The following ZFHX3 variants were observed in gnomAD, a reference collection of about 807,000 sequenced individuals.
ZFHX3 encodes zinc finger homeobox protein 3.
A neutral mutation model predicts 279.1 loss-of-function variants in ZFHX3; 42 were observed. The observed-to-expected ratio is 0.15, with a 90% CI of 0.12 to 0.19. The LOEUF is 0.19. ZFHX3 is among the 10% of genes least tolerant of loss of function. ZFHX3 has a pLI of 1.00. For synonymous variants in ZFHX3, 2,293 were observed against 1,957.8 expected, an observed-to-expected ratio of 1.17 and a Z score of -4.52; for missense variants, 4,981 against 4,754.0, an observed-to-expected ratio of 1.05 and a Z score of -1.40.
At chr16:73,567,579 G>A (rs992110728) in intron 2 of ZFHX3, among the ~76,000 whole-genome samples, 8 of 152,140 alleles carry the variant, frequency 5.3e-5, no homozygotes, top group East Asian at 3.9e-4. Flanking sequence ...AATGTCCAGC[G>A]TCTTCTCTTT....
chr16:73,612,410 C>T (rs1255432235), intron 2 of ZFHX3, among the ~76,000 whole-genome samples: 2 of 152,136 alleles, frequency 1.3e-5, no homozygotes, highest in African/African-American at 4.8e-5. Context: ...GGTGCAAACA[C>T]GCTGCTGTAA....
chr16:72,957,499 C>T lies in ZFHX3; in HGVS notation c.2647G>A (p.Asp883Asn), dbSNP rs761279495. The change falls in exon 2 of 10, where the codon GAC (aspartate) becomes AAC (asparagine). Residue 883 changes from aspartate to asparagine, a missense_variant. Asp to Asn is a conservative substitution (Grantham distance 23). Around this residue, in one of 7 missense-constraint regions of ZFHX3, gnomAD observed 1,751 missense variants for 1,770.0 expected, o/e 0.99. Transcript: ENST00000268489. ...PNLKMDSAAS[D>N]AQFMMSGFQL... is the part of the protein sequence containing the mutation. ...AATCCGCTCATCATGAACTGGGCGT[C>T]CGAGGCAGCACTGTCCATCTTCAGG... 1 of 1,614,170 alleles carries T rather than the reference C, an allele frequency of 6.2e-7. No individual in the cohort carries two copies. Among genetic ancestry groups the T allele is most frequent in the Admixed American group, 1.7e-5 (1 of 60,030 alleles).
chr16:73,588,091 A>G (rs936226161), intron 2 of ZFHX3, among the ~76,000 whole-genome samples: 1 of 147,642 alleles, frequency 6.8e-6, no homozygotes, highest in Non-Finnish European at 1.5e-5. Flanking sequence ...AAAATCAACA[A>G]CGTAAGGTAA....
At chr16:73,887,645 A>G (rs1010175834) in intron 1 of ZFHX3, among the ~76,000 whole-genome samples, 4 of 151,180 alleles carry the variant, frequency 2.6e-5, no homozygotes, top group African/African-American at 9.9e-5. Context: ...CCAGGAAGAA[A>G]CCAAAAAATT....
Position 72,958,719 on chromosome 16 carries a change from T to C in ZFHX3, c.1427A>G (p.Glu476Gly), listed in dbSNP as rs780754512. 1.3e-5 allele frequency: 21 copies of C among 1,612,992 alleles called. No homozygotes were observed. The highest frequency in any genetic ancestry group is 6.7e-5 in the East Asian group (3 of 44,864). ...EEEEEEAEEE[E>G]EEEEEEEEEE... ...CTCTTCTTCCTCCTCCTCTTCTTCC[T>C]CCTCCTCCTCCGCCTCTTCCTCCTC... The change falls in exon 2 of 10, where the codon GAG (glutamate) becomes GGG (glycine). Residue 476 changes from glutamate to glycine, a missense_variant. This residue lies in a region of ZFHX3 where 1,068 missense variants were observed against 935.2 expected (regional missense o/e 1.14). Transcript: ENST00000268489.
At chr16:73,058,877 G>GGCGGCGGCA (rs1452606500) in exon 1 of ZFHX3, 4 of 164,900 alleles carry the variant, frequency 2.4e-5, no homozygotes, top group South Asian at 1.6e-4. Context: ...AAGCGGCGGC[G>GGCGGCGGCA]GCGGCGGCAG....
At chr16:72,862,289 C>A (rs907788703) in intron 4 of ZFHX3, among the ~76,000 whole-genome samples, 6 of 152,226 alleles carry the variant, frequency 3.9e-5, no homozygotes, top group Non-Finnish European at 7.3e-5. Flanking sequence ...ACTGGCCTAC[C>A]TTCTGCCCCA....
chr16:73,399,138 A>G (rs1407548300), intron 3 of ZFHX3, among the ~76,000 whole-genome samples: 1 of 151,390 alleles, frequency 6.6e-6, no homozygotes, highest in Admixed American at 6.6e-5. Flanking sequence ...TTGGCCTCCC[A>G]AAGTGCTAAG....
rs192543149 is a variant in ZFHX3 at position 73,595,285 on chromosome 16, C to T, written c.-1547+84895G>A. Among the ~76,000 whole-genome samples, 115 of 152,298 alleles carry T rather than the reference C, an allele frequency of 7.6e-4. 1 individual carries two copies. The highest frequency in any genetic ancestry group is 2.6e-4 in the Admixed American group (4 of 15,300). On this transcript the variant is annotated intron_variant, in intron 2 of 17. Coordinates refer to the ZFHX3 transcript ENST00000641206. ...TCTCTTCTTCCGGGTCAGCACATCCCATGGGCCAGATGATGGCCTCAAATG... is the reference window on the plus strand; with the variant it reads ...TCTCTTCTTCCGGGTCAGCACATCCTATGGGCCAGATGATGGCCTCAAATG...
At chr16:73,509,163 C>T (rs2019379108) in intron 2 of ZFHX3, among the ~76,000 whole-genome samples, 1 of 152,180 alleles carries the variant, frequency 6.6e-6, no homozygotes, top group African/African-American at 2.4e-5. Flanking sequence ...ACGGTGACTA[C>T]TGGAATGGAA....
chr16:73,488,808 C>T (rs912113784), intron 2 of ZFHX3, among the ~76,000 whole-genome samples: 1 of 152,168 alleles, frequency 6.6e-6, no homozygotes, highest in Admixed American at 6.5e-5. Flanking sequence ...TGTTACGATG[C>T]TAAGACAGAC....
chr16:73,025,737 G>A (rs1362919759), intron 1 of ZFHX3, among the ~76,000 whole-genome samples: 1 of 152,130 alleles, frequency 6.6e-6, no homozygotes, highest in Non-Finnish European at 1.5e-5. Flanking sequence ...AACAGTCAGA[G>A]ACCTACAGGA....
intron 2 of ZFHX3, among the ~76,000 whole-genome samples, chr16:73,519,243 A>C (rs1042927470): frequency 4.6e-5 from 7 of 152,178 alleles, no homozygotes; most frequent in African/African-American, 1.7e-4. Context: ...TTCCATTAAA[A>C]AAAAAGATAT....
chr16:73,719,286 T>G (rs139361057), intron 1 of ZFHX3, among the ~76,000 whole-genome samples: 1 of 152,338 alleles, frequency 6.6e-6, no homozygotes, highest in Non-Finnish European at 1.5e-5. Context: ...GTAACATATG[T>G]GAAGCAGTGA....
intron 5 of ZFHX3, among the ~76,000 whole-genome samples, chr16:72,814,182 G>C (rs2036540530): frequency 2.0e-5 from 3 of 152,084 alleles, no homozygotes; most frequent in Non-Finnish European, 2.9e-5. Flanking sequence ...TATATAGTTA[G>C]GAAAAAGCTG....
intron 2 of ZFHX3, among the ~76,000 whole-genome samples, chr16:73,657,999 G>GT (rs2052739741): frequency 6.6e-6 from 1 of 152,190 alleles, no homozygotes; most frequent in Non-Finnish European, 1.5e-5. Flanking sequence ...ATATTTGACT[G>GT]TAAGTCAGAA....
chr16:72,869,612 C>A (rs1174133294), intron 4 of ZFHX3, among the ~76,000 whole-genome samples: 1 of 152,118 alleles, frequency 6.6e-6, no homozygotes, highest in Non-Finnish European at 1.5e-5. Context: ...AAAGTTCTGG[C>A]CTGCTGAATT....
chr16:72,851,024 C>T (rs2037602585), intron 4 of ZFHX3, among the ~76,000 whole-genome samples: 1 of 152,112 alleles, frequency 6.6e-6, no homozygotes, highest in Non-Finnish European at 1.5e-5. Flanking sequence ...TTCTCAGCGT[C>T]TGAAAGCATG....
intron 2 of ZFHX3, chr16:73,608,795 A>G (rs2052216755): frequency 6.6e-6 from 1 of 152,208 alleles, no homozygotes; most frequent in South Asian, 2.1e-4. Flanking sequence ...CCAGATCCAG[A>G]TTTAATAAGT....
Sources: gnomAD v4.1 joint callset for allele counts (sites outside exome capture counted in the v4.1 genomes callset) on GRCh38, gnomAD v4.1.1 for gene constraint, gnomAD v4.1.1 regional missense constraint, MANE v1.5 for transcripts, NCBI Gene and HGNC (gene_info 2026-07-23, HGNC 2026-07-21) for gene names.